The following RAB40C variants were observed in gnomAD, a reference collection of about 807,000 sequenced individuals.
RAB40C encodes the protein ras-related protein Rab-40C.
A neutral mutation model predicts 28.1 loss-of-function variants in RAB40C; 8 were observed. That is an observed-to-expected ratio of 0.28 (90% CI 0.17 to 0.51). RAB40C has a LOEUF of 0.51. Ranked by LOEUF, RAB40C falls within the 20% of genes least tolerant of loss-of-function variation. The probability of loss-of-function intolerance (pLI) is 0.97; values close to 1 mark genes in which losing one functional copy is unlikely to be tolerated. For missense variants in RAB40C, 288 were observed against 405.9 expected (o/e 0.71, Z 2.50); for synonymous variants, 201 against 171.7 (o/e 1.17, Z -1.34).
At chr16:605,558 C>A (rs1292607264) in intron 1 of RAB40C, among the ~76,000 whole-genome samples, 2 of 152,214 alleles carry the variant, frequency 1.3e-5, no homozygotes, top group Admixed American at 6.5e-5. Flanking sequence ...CCACACAGGG[C>A]AAACTCTCCT....
intron 3 of RAB40C, among the ~76,000 whole-genome samples, chr16:619,293 G>A (rs1315288975): frequency 6.7e-6 from 1 of 149,778 alleles, no homozygotes; most frequent in East Asian, 2.0e-4. Context: ...TTGGAGCTGT[G>A]TGTGTGCACA....
intron 2 of RAB40C, 43 bp downstream of exon 2, chr16:617,311 A>G (rs74777284): frequency 0.016 from 25,407 of 1,608,354 alleles, 404 homozygotes; most frequent in African/African-American, 0.073. Context: ...GTGAGGACAC[A>G]AATGCCGAAG....
chr16:605,849 A>G (rs538573798), intron 1 of RAB40C, among the ~76,000 whole-genome samples: 16 of 151,794 alleles, frequency 1.1e-4, no homozygotes, highest in Admixed American at 9.2e-4. Flanking sequence ...GATGCTGCCA[A>G]CCCGTTCTCC....
At chr16:590,648 G>C (rs906430472) in intron 1 of RAB40C, among the ~76,000 whole-genome samples, 1 of 152,234 alleles carries the variant, frequency 6.6e-6, no homozygotes, top group African/African-American at 2.4e-5. Flanking sequence ...CCAGAGGGAC[G>C]CGCCCAGCGG....
chr16:627,250 C>A (rs2036857360), intron 5 of RAB40C, 92 bp from the exon 6 acceptor site: 4 of 1,309,054 alleles, frequency 3.1e-6, no homozygotes, highest in Non-Finnish European at 4.2e-6. Context: ...AGTGTGGAGA[C>A]CCCGCCAGGC....
In RAB40C at chr16:611,668, C is replaced by T. The variant is rs997809916; in HGVS notation, c.143-5540C>T. Among the ~76,000 whole-genome samples the T allele has an allele frequency of 1.3e-4, 17 of 132,238 alleles. 1 individual carries two copies. The highest frequency in any genetic ancestry group is 1.6e-4 in the Non-Finnish European group (10 of 61,998). 86.8% of individuals were successfully genotyped at this position (132,238 alleles called of 152,430 possible). On this transcript the variant is annotated intron_variant, in intron 1 of 5. Transcript: ENST00000248139. ...TGGCCTGTAGAATCAAGAGCAGAGA[C>T]AGCCGCCCTGGCCTGTAGAATCAAG...
intron 1 of RAB40C, among the ~76,000 whole-genome samples, chr16:594,818 C>CT (rs1006905623): frequency 0.035 from 4,535 of 130,306 alleles, 105 homozygotes; most frequent in Admixed American, 0.046. Context: ...GCTCGTCTTC[C>CT]TTTTTTTTTT....
intron 3 of RAB40C, among the ~76,000 whole-genome samples, chr16:622,355 G>A (rs1339880943): frequency 6.6e-6 from 1 of 152,200 alleles, no homozygotes; most frequent in Admixed American, 6.5e-5. Context: ...GCAGCGCCAA[G>A]TGCCTCCACC....
At chr16:625,344 A>C in intron 3 of RAB40C, 88 bp from the exon 4 acceptor site, 1 of 1,553,842 alleles carries the variant, frequency 6.4e-7, no homozygotes, top group Non-Finnish European at 8.8e-7. Flanking sequence ...CCTGCCCGGG[A>C]ACTGAGGCCC....
At chr16:595,970 G>T (rs774095767) in intron 1 of RAB40C, among the ~76,000 whole-genome samples, 5 of 152,256 alleles carry the variant, frequency 3.3e-5, no homozygotes, top group Non-Finnish European at 7.3e-5. Context: ...TGTTGAGTCA[G>T]TAGGTAGAAT....
chr16:608,147 C>T (rs1003752239), intron 1 of RAB40C, among the ~76,000 whole-genome samples: 6 of 152,302 alleles, frequency 3.9e-5, no homozygotes, highest in African/African-American at 1.4e-4. Flanking sequence ...GCTGCAGAGG[C>T]CTCAGGAAAT....
chr16:625,701 A>G (rs1399028465), intron 4 of RAB40C, 192 bp downstream of exon 4: 2 of 826,628 alleles, frequency 2.4e-6, no homozygotes, highest in Non-Finnish European at 3.8e-6. Context: ...GCCCAGCAAG[A>G]CCAGGAGCTA....
intron 1 of RAB40C, among the ~76,000 whole-genome samples, chr16:615,142 G>A (rs925657073): frequency 2.0e-5 from 3 of 152,234 alleles, no homozygotes; most frequent in Non-Finnish European, 4.4e-5. Flanking sequence ...TCAGTCTCTA[G>A]GAGACGTGTG....
intron 1 of RAB40C, 37 bp downstream of exon 1, chr16:590,470 G>T (rs1791124339): frequency 6.6e-7 from 1 of 1,508,442 alleles, no homozygotes; most frequent in South Asian, 1.2e-5. Flanking sequence ...GCTACGCGGG[G>T]CCCGAGCCCG....
At chr16:600,436 ATTG>A (rs1463860471) in intron 1 of RAB40C, among the ~76,000 whole-genome samples, 1 of 147,710 alleles carries the variant, frequency 6.8e-6, no homozygotes, top group Non-Finnish European at 1.5e-5. Context: ...AGTTTAAAAC[ATTG>A]TTGTTGGACT....
At chr16:593,153 G>A (rs2036038314) in intron 1 of RAB40C, among the ~76,000 whole-genome samples, 2 of 152,178 alleles carry the variant, frequency 1.3e-5, no homozygotes, top group Non-Finnish European at 2.9e-5. Flanking sequence ...GTTAAGACGT[G>A]CACAGCACAA....
intron 1 of RAB40C, among the ~76,000 whole-genome samples, chr16:604,344 C>T (rs781221406): frequency 1.8e-4 from 27 of 152,156 alleles, no homozygotes; most frequent in Non-Finnish European, 3.1e-4. Flanking sequence ...AACACAAATA[C>T]GCACGAGGCC....
chr16:619,238 G>A (rs1360203026), intron 3 of RAB40C, among the ~76,000 whole-genome samples: 29 of 149,422 alleles, frequency 1.9e-4, no homozygotes, highest in Admixed American at 1.5e-3. Context: ...GGTCTGGCGG[G>A]GGCACTGGGG....
chr16:609,728 A>G (rs1023214357), intron 1 of RAB40C, among the ~76,000 whole-genome samples: 3 of 152,250 alleles, frequency 2.0e-5, no homozygotes, highest in African/African-American at 7.2e-5. Context: ...ATTTTAAAAA[A>G]GCCATAGAAG....
Sources: allele counts gnomAD v4.1 joint callset (sites outside exome capture counted in the v4.1 genomes callset), GRCh38; gene constraint gnomAD v4.1.1; transcripts MANE v1.5; gene names NCBI Gene and HGNC (gene_info 2026-07-23, HGNC 2026-07-21).